The following CSMD3 variants were observed in gnomAD, a reference collection of about 807,000 sequenced individuals.
CSMD3 encodes CUB and Sushi multiple domains 3, also known as CUB and sushi domain-containing protein 3.
A neutral mutation model predicts 435.2 loss-of-function variants in CSMD3; 177 were observed. The ratio of observed to expected loss-of-function variants is 0.41; its 90% CI spans 0.36 to 0.46. CSMD3 has a LOEUF of 0.46. Among genes scored for constraint, CSMD3 ranks in the 20% least tolerant of loss-of-function variants. The probability of loss-of-function intolerance (pLI) is 0.34; values close to 1 mark genes in which losing one functional copy is unlikely to be tolerated. For missense variants in CSMD3, 4,265 were observed against 4,504.6 expected (o/e 0.95, Z 1.52); for synonymous variants, 1,656 against 1,520.5 (o/e 1.09, Z -2.07).
At chr8:113,032,779 A>G (rs1226383397) in intron 5 of CSMD3, among the ~76,000 whole-genome samples, 4 of 151,588 alleles carry the variant, frequency 2.6e-5, no homozygotes, top group African/African-American at 9.7e-5. Flanking sequence ...TCTCCAGGGC[A>G]TGTCAGAGAA....
intron 22 of CSMD3, among the ~76,000 whole-genome samples, chr8:112,610,729 T>C (rs1459848386): frequency 6.6e-6 from 1 of 152,130 alleles, no homozygotes; most frequent in Non-Finnish European, 1.5e-5. Context: ...GGAAAGTGTC[T>C]ATGCCTGACT....
chr8:112,646,496 CT>C (rs1284174225), intron 19 of CSMD3, among the ~76,000 whole-genome samples: 1 of 152,130 alleles, frequency 6.6e-6, no homozygotes, highest in Non-Finnish European at 1.5e-5. Context: ...AAGTATCCTA[CT>C]TCTTGAGAAG....
At chr8:112,393,869 A>G (rs987530288) in intron 35 of CSMD3, among the ~76,000 whole-genome samples, 3 of 138,192 alleles carry the variant, frequency 2.2e-5, no homozygotes, top group African/African-American at 8.5e-5. Context: ...TTTCTTCTCT[A>G]TTATTGGCTG....
chr8:112,272,103 G>T (rs1457924478), intron 59 of CSMD3, among the ~76,000 whole-genome samples: 1 of 152,154 alleles, frequency 6.6e-6, no homozygotes, highest in African/African-American at 2.4e-5. Flanking sequence ...GCAACAAGTA[G>T]CCCTCACCAG....
At chr8:112,410,660 A>ATG (rs1382207394) in intron 32 of CSMD3, among the ~76,000 whole-genome samples, 1 of 117,664 alleles carries the variant, frequency 8.5e-6, no homozygotes, top group Non-Finnish European at 1.9e-5. Flanking sequence ...GTGTATATAT[A>ATG]TGTATATATA....
intron 22 of CSMD3, among the ~76,000 whole-genome samples, chr8:112,621,314 C>T (rs774699999): frequency 2.6e-5 from 4 of 151,950 alleles, no homozygotes; most frequent in South Asian, 2.1e-4. Context: ...CCAGATAGTA[C>T]GTATACAGAC....
At chr8:112,260,478 G>A (rs1381765139) in intron 61 of CSMD3, among the ~76,000 whole-genome samples, 3 of 151,990 alleles carry the variant, frequency 2.0e-5, no homozygotes, top group Non-Finnish European at 4.4e-5. Context: ...CAAAGATAGC[G>A]TTATTACATT....
intron 1 of CSMD3, chr8:113,376,770 T>C: frequency 6.2e-7 from 1 of 1,613,886 alleles, no homozygotes; most frequent in Non-Finnish European, 8.5e-7. Flanking sequence ...CTGTACAGGT[T>C]TCCAGCAAAG....
intron 31 of CSMD3, among the ~76,000 whole-genome samples, chr8:112,478,122 T>C (rs1420201092): frequency 6.6e-6 from 1 of 152,214 alleles, no homozygotes; most frequent in Non-Finnish European, 1.5e-5. Flanking sequence ...ACCATGATCG[T>C]GAGGCCTACC....
chr8:112,811,497 T>C (rs1353081051), intron 12 of CSMD3, among the ~76,000 whole-genome samples: 3 of 152,150 alleles, frequency 2.0e-5, no homozygotes, highest in African/African-American at 7.2e-5. Context: ...GAAGATTGTA[T>C]CCTGTCTTCC....
intron 66 of CSMD3, among the ~76,000 whole-genome samples, chr8:112,240,973 G>T (rs1296935223): frequency 6.6e-6 from 1 of 152,062 alleles, no homozygotes. Context: ...ATGTGGAACT[G>T]TAAGTCCACT....
In CSMD3 at chr8:113,288,353, A is replaced by T. The variant is rs143511735; in HGVS notation, c.402-9649T>A. 2.8e-4 allele frequency among the ~76,000 whole-genome samples: 43 copies of T among 152,048 alleles called. No individual in the cohort carries two copies. In the East Asian group the frequency reaches 7.9e-3, roughly 28 times the overall value. On this transcript the variant is annotated intron_variant, in intron 2 of 70. Coordinates refer to ENST00000297405, the MANE Select transcript of CSMD3 (RefSeq NM_198123.2). ...CTATATTTAAAGATACCATGTTTCC[A>T]GAAAATTTGTTTTTACCATTGACTT... is the stretch of plus-strand genomic sequence containing the variant.
intron 12 of CSMD3, among the ~76,000 whole-genome samples, chr8:112,811,397 A>T (rs990474004): frequency 8.1e-6 from 1 of 123,088 alleles, no homozygotes; most frequent in African/African-American, 3.1e-5. Context: ...AAATGTTTTA[A>T]AAGCTAAAGA....
chr8:113,025,822 A>G (rs532398186), intron 5 of CSMD3, among the ~76,000 whole-genome samples: 4 of 152,318 alleles, frequency 2.6e-5, no homozygotes, highest in African/African-American at 9.6e-5. Context: ...CCATTGGAGC[A>G]GGGCATAGCA....
At chr8:113,307,599 T>G (rs1385233558) in intron 2 of CSMD3, among the ~76,000 whole-genome samples, 1 of 152,108 alleles carries the variant, frequency 6.6e-6, no homozygotes, top group African/African-American at 2.4e-5. Context: ...AGTAACAGAT[T>G]GGAAGAAAAT....
At chr8:112,916,966 A>C (rs941698636) in intron 10 of CSMD3, among the ~76,000 whole-genome samples, 2 of 151,982 alleles carry the variant, frequency 1.3e-5, no homozygotes, top group East Asian at 3.9e-4. Flanking sequence ...CTGAGCTTTT[A>C]ATAAACATGA....
chr8:112,384,400 G>A (rs373695347), intron 36 of CSMD3, among the ~76,000 whole-genome samples: 85 of 152,294 alleles, frequency 5.6e-4, no homozygotes, highest in African/African-American at 1.9e-3. Context: ...TTTATTTAGA[G>A]AAAGATGCAT....
chr8:112,670,970 A>C (rs2131728427), intron 16 of CSMD3, among the ~76,000 whole-genome samples: 1 of 152,294 alleles, frequency 6.6e-6, no homozygotes, highest in East Asian at 1.9e-4. Flanking sequence ...AAAATTAAGT[A>C]GGTATTGTCC....
chr8:113,053,554 A>G (rs1393997844), intron 5 of CSMD3, among the ~76,000 whole-genome samples: 5 of 152,034 alleles, frequency 3.3e-5, no homozygotes, highest in Admixed American at 3.3e-4. Context: ...AGAAGTAATC[A>G]TTACTATTAA....
Sources: allele counts gnomAD v4.1 joint callset (sites outside exome capture counted in the v4.1 genomes callset), GRCh38; gene constraint gnomAD v4.1.1; transcripts MANE v1.5; gene names NCBI Gene and HGNC (gene_info 2026-07-23, HGNC 2026-07-21).